BCL7C: variants seen among roughly 807,000 people sequenced by gnomAD.
BCL7C encodes the protein B-cell CLL/lymphoma 7 protein family member C.
Under a neutral mutation model 26.2 loss-of-function variants are expected in BCL7C, and 8 were observed. That is an observed-to-expected ratio of 0.30 (90% confidence interval 0.18 to 0.55). The LOEUF is 0.55. Ranked by LOEUF, BCL7C falls within the 20% of genes least tolerant of loss-of-function variation. The pLI is 0.93. For missense variants in BCL7C, 262 were observed against 298.5 expected (o/e 0.88, Z 0.90); for synonymous variants, 90 against 116.5 (o/e 0.77, Z 1.47).
At chr16:30,843,537 G>A (rs968846888) in intron 5 of BCL7C, among the ~76,000 whole-genome samples, 25 of 151,752 alleles carry the variant, frequency 1.6e-4, no homozygotes, top group Admixed American at 5.9e-4. Flanking sequence ...CTCCAGTCTC[G>A]GTGACAGAGT....
chr16:30,835,296 CAGGCAG>C (rs1412068582), intron 5 of BCL7C: 9 of 714,008 alleles, frequency 1.3e-5, no homozygotes, highest in East Asian at 1.2e-4. Context: ...TTTTTGAGAG[CAGGCAG>C]AGGGTGAGGC....
intron 5 of BCL7C, among the ~76,000 whole-genome samples, chr16:30,882,170 C>A (rs2055053981): frequency 6.6e-6 from 1 of 152,064 alleles, no homozygotes; most frequent in South Asian, 2.1e-4. Flanking sequence ...ACCATGTTGG[C>A]CAGGCCGGTT....
chr16:30,857,561 G>C (rs1324573099), intron 5 of BCL7C, among the ~76,000 whole-genome samples: 1 of 152,124 alleles, frequency 6.6e-6, no homozygotes, highest in Non-Finnish European at 1.5e-5. Context: ...TAGTTGTGAG[G>C]CTCTTAGTTA....
chr16:30,893,534 TG>T lies in BCL7C; in HGVS notation c.93-245del, dbSNP rs1226169213. Among the ~76,000 whole-genome samples the T allele has an allele frequency of 4.0e-5, 6 of 151,540 alleles. No homozygotes were observed. The highest frequency in any genetic ancestry group is 3.2e-3 in the Middle Eastern group (1 of 314). The stretch of plus-strand genomic sequence containing the variant: ...GCTCTGCGGACCCCTGGGGCACACA[TG>T]GGGGGCGTGGCTATGGGCCTGGCCC... On this transcript the variant is annotated intron_variant, in intron 1 of 5. Coordinates refer to ENST00000215115, the MANE Select transcript of BCL7C (RefSeq NM_004765.4). The surrounding 1 kb of genome is among the most constrained non-coding windows in gnomAD (Gnocchi z 5.2).
At chr16:30,883,019 T>C (rs1040614929), downstream of BCL7C, among the ~76,000 whole-genome samples, 1 of 152,118 alleles carries the variant, frequency 6.6e-6, no homozygotes, top group African/African-American at 2.4e-5. Flanking sequence ...ATTTGGCTCC[T>C]GGAGTCTGGA....
intron 5 of BCL7C, among the ~76,000 whole-genome samples, chr16:30,859,448 T>A (rs865942448): frequency 6.6e-6 from 1 of 152,158 alleles, no homozygotes; most frequent in Non-Finnish European, 1.5e-5. Context: ...CAAGACCCTG[T>A]CTCTGTCAGG....
chr16:30,870,440 G>A (rs1019735154), intron 5 of BCL7C, among the ~76,000 whole-genome samples: 7 of 152,132 alleles, frequency 4.6e-5, no homozygotes, highest in African/African-American at 1.4e-4. Context: ...CAAGGTGGGA[G>A]GATCACTTGA....
At chr16:30,862,880 A>G (rs12931096) in intron 5 of BCL7C, among the ~76,000 whole-genome samples, 111,025 of 151,652 alleles carry the variant, frequency 0.73, 41,086 homozygotes, top group East Asian at 0.91. Flanking sequence ...TCCTCTTTCC[A>G]TTCCTTAAAA....
intron 5 of BCL7C, among the ~76,000 whole-genome samples, chr16:30,879,959 C>T (rs1405175634): frequency 6.6e-6 from 1 of 150,816 alleles, no homozygotes; most frequent in Non-Finnish European, 1.5e-5. Context: ...CACTGCACTC[C>T]AGCCTGGGTG....
chr16:30,838,071 A>C (rs1268150238), intron 5 of BCL7C, among the ~76,000 whole-genome samples: 1 of 152,218 alleles, frequency 6.6e-6, no homozygotes, highest in Non-Finnish European at 1.5e-5. Context: ...CACTGGCTTC[A>C]CCACTGAACA....
At chr16:30,864,984 C>G (rs547959713) in intron 5 of BCL7C, among the ~76,000 whole-genome samples, 1 of 151,572 alleles carries the variant, frequency 6.6e-6, no homozygotes, top group Admixed American at 6.6e-5. Context: ...CTGGCTAACA[C>G]GGTGAAACCC....
chr16:30,846,934 A>G (rs971697470), intron 5 of BCL7C, among the ~76,000 whole-genome samples: 3 of 152,236 alleles, frequency 2.0e-5, no homozygotes, highest in Non-Finnish European at 4.4e-5. Flanking sequence ...AATGGCTGCT[A>G]TTCTTGACTA....
chr16:30,891,180 A>G (rs951679850), intron 4 of BCL7C, among the ~76,000 whole-genome samples: 1 of 150,762 alleles, frequency 6.6e-6, no homozygotes, highest in African/African-American at 2.4e-5. Flanking sequence ...AAAAAAAAAA[A>G]AAAAAAGGCT....
intron 5 of BCL7C, among the ~76,000 whole-genome samples, chr16:30,865,117 G>A (rs997454805): frequency 3.5e-5 from 5 of 143,226 alleles, no homozygotes; most frequent in South Asian, 2.2e-4. Flanking sequence ...GCAGTGAGCC[G>A]AGATCACGTC....
intron 5 of BCL7C, among the ~76,000 whole-genome samples, chr16:30,845,903 G>A (rs967929325): frequency 6.6e-6 from 1 of 151,586 alleles, no homozygotes; most frequent in African/African-American, 2.4e-5. Context: ...TCAGGAGATC[G>A]AGACCAGCCT....
intron 4 of BCL7C, among the ~76,000 whole-genome samples, chr16:30,889,322 G>T (rs1567324197): frequency 6.6e-6 from 1 of 152,132 alleles, no homozygotes; most frequent in Non-Finnish European, 1.5e-5. Context: ...TGTGGCTGTT[G>T]TGAGGGTCAG....
chr16:30,872,379 T>C (rs774819479), intron 5 of BCL7C, among the ~76,000 whole-genome samples: 3 of 152,046 alleles, frequency 2.0e-5, no homozygotes, highest in Admixed American at 6.6e-5. Flanking sequence ...GCAGAAGTCA[T>C]GGAGTGTAAG....
intron 5 of BCL7C, among the ~76,000 whole-genome samples, chr16:30,836,542 A>C (rs1333358451): frequency 6.9e-6 from 1 of 145,380 alleles, no homozygotes; most frequent in Non-Finnish European, 1.5e-5. Flanking sequence ...TAGTACAATC[A>C]TGGCTCACTG....
At chr16:30,835,448 A>AAGCTC (rs1490186509) in intron 5 of BCL7C, among the ~76,000 whole-genome samples, 2 of 152,212 alleles carry the variant, frequency 1.3e-5, no homozygotes, top group Non-Finnish European at 1.5e-5. Flanking sequence ...TAAGACGGAG[A>AAGCTC]TAACCTAAAG....
Sources: gnomAD v4.1 joint callset for allele counts (sites outside exome capture counted in the v4.1 genomes callset) on GRCh38, gnomAD v4.1.1 for gene constraint, Gnocchi (gnomAD v3.1) non-coding constraint, MANE v1.5 for transcripts, NCBI Gene and HGNC (gene_info 2026-07-23, HGNC 2026-07-21) for gene names.